VPS13B: variants seen among roughly 807,000 people sequenced by gnomAD.
The protein encoded by VPS13B is vacuolar protein sorting 13 homolog B.
Under a neutral mutation model 426.4 loss-of-function variants are expected in VPS13B, and 285 were observed. That is an observed-to-expected ratio of 0.67 (90% CI 0.61 to 0.74). The LOEUF (loss-of-function observed/expected upper bound fraction) is 0.74, where lower values mean the gene tolerates loss of function less well. VPS13B is among the 30% of genes least tolerant of loss of function. VPS13B has a pLI of 0.00. For missense variants in VPS13B, 4,537 were observed against 4,782.6 expected (o/e 0.95, Z 1.51); for synonymous variants, 1,676 against 1,676.4 (o/e 1.00, Z 0.01).
intron 44 of VPS13B, among the ~76,000 whole-genome samples, chr8:99,810,757 C>T (rs575194128): frequency 1.6e-4 from 25 of 152,238 alleles, no homozygotes; most frequent in Admixed American, 1.6e-3. Context: ...TGTCAACTGA[C>T]AGTAAGTGTA....
chr8:99,748,976 G>A (rs1162327975), intron 39 of VPS13B, among the ~76,000 whole-genome samples: 1 of 151,942 alleles, frequency 6.6e-6, no homozygotes, highest in Non-Finnish European at 1.5e-5. Flanking sequence ...GTGGGTTGGG[G>A]AAATTGCTGA....
At chr8:99,283,036 G>C (rs1011866005) in intron 19 of VPS13B, among the ~76,000 whole-genome samples, 1 of 152,060 alleles carries the variant, frequency 6.6e-6, no homozygotes. Context: ...ACACTCTTTT[G>C]GTTCACCATT....
chr8:99,773,668 A>G (rs927223073), intron 40 of VPS13B, among the ~76,000 whole-genome samples: 7 of 152,234 alleles, frequency 4.6e-5, no homozygotes, highest in Non-Finnish European at 1.0e-4. Flanking sequence ...AGCTACTTGA[A>G]TAAATTACTG....
At position 99,817,821 on chromosome 8, in the gene VPS13B, A is replaced by G. The variant is rs1301774020; in HGVS notation, c.8361+18A>G. 6 of 1,614,014 alleles carry G rather than the reference A, an allele frequency of 3.7e-6. No homozygotes were observed. Among genetic ancestry groups the G allele is most frequent in the African/African-American group, 1.3e-5 (1 of 75,060 alleles). ...TCATTCAGGTTTGAAAAGACGTTCA[A>G]TCTAGAATAGAGCAGCTTTACCATT... On this transcript the variant is annotated intron_variant, in intron 45 of 61. Coordinates refer to ENST00000357162, the MANE Select transcript of VPS13B (RefSeq NM_152564.5).
At chr8:99,147,049 T>TTA (rs1345908852) in intron 13 of VPS13B, among the ~76,000 whole-genome samples, 1 of 152,210 alleles carries the variant, frequency 6.6e-6, no homozygotes, top group East Asian at 1.9e-4. Flanking sequence ...TGGGTCACCA[T>TTA]TATAGTGTGT....
intron 8 of VPS13B, among the ~76,000 whole-genome samples, chr8:99,129,858 T>TA (rs950537405): frequency 1.7e-4 from 25 of 151,062 alleles, no homozygotes; most frequent in South Asian, 2.1e-4. Flanking sequence ...CCCATCTTTA[T>TA]AAAAAAAAAT....
At chr8:99,163,126 T>C (rs1251382478) in intron 15 of VPS13B, among the ~76,000 whole-genome samples, 2 of 151,976 alleles carry the variant, frequency 1.3e-5, no homozygotes, top group Admixed American at 1.3e-4. Context: ...TTGAGCTAGA[T>C]ACAGAGTGCC....
At chr8:99,869,362 G>A (rs1443452640) in intron 59 of VPS13B, among the ~76,000 whole-genome samples, 1 of 152,170 alleles carries the variant, frequency 6.6e-6, no homozygotes, top group Non-Finnish European at 1.5e-5. Flanking sequence ...GGCCTGACAA[G>A]AGGCAGCCAG....
intron 8 of VPS13B, chr8:99,121,705 C>A (rs1368487967): frequency 4.5e-6 from 4 of 882,832 alleles, no homozygotes; most frequent in Non-Finnish European, 6.1e-6. Context: ...TTGAATCATT[C>A]AGTTGGTGTA....
rs552472413 is a variant in VPS13B at position 99,470,656 on chromosome 8, T to A, written c.3666+3022T>A. On this transcript the variant is annotated intron_variant, in intron 24 of 61. Transcript: ENST00000357162. ...GAACAGAGCTTCAATGATTGTAGAATAGAAAAGTCGAATATTGTGTACTAC... is the reference window on the plus strand; with the variant it reads ...GAACAGAGCTTCAATGATTGTAGAAAAGAAAAGTCGAATATTGTGTACTAC... Among the ~76,000 whole-genome samples the A allele has an allele frequency of 3.2e-4, 48 of 150,674 alleles. No homozygotes were observed. In the South Asian group the frequency reaches 9.2e-3, roughly 29 times the overall value.
chr8:99,502,706 T>C (rs1821308630), intron 26 of VPS13B, 130 bp from the exon 27 acceptor site: 2 of 763,232 alleles, frequency 2.6e-6, no homozygotes, highest in African/African-American at 1.7e-5. Flanking sequence ...CTTATTATTC[T>C]AGAAGCTTTT....
intron 19 of VPS13B, among the ~76,000 whole-genome samples, chr8:99,383,747 T>C (rs1813964855): frequency 6.6e-6 from 1 of 152,204 alleles, no homozygotes. Context: ...TTATTTCACT[T>C]AATATAATGT....
chr8:99,606,612 C>T (rs1170184714), intron 33 of VPS13B, among the ~76,000 whole-genome samples: 2 of 143,722 alleles, frequency 1.4e-5, no homozygotes, highest in African/African-American at 2.5e-5. Flanking sequence ...CTTTTGTTTT[C>T]TTTTTCTTTT....
At chr8:99,517,154 C>A (rs2133655657) in intron 29 of VPS13B, among the ~76,000 whole-genome samples, 1 of 152,264 alleles carries the variant, frequency 6.6e-6, no homozygotes, top group East Asian at 1.9e-4. Flanking sequence ...CTTGAGACTT[C>A]AGATGTTTTA....
intron 14 of VPS13B, among the ~76,000 whole-genome samples, chr8:99,153,490 C>T (rs1811185431): frequency 6.6e-6 from 1 of 151,520 alleles, no homozygotes; most frequent in Non-Finnish European, 1.5e-5. Context: ...TAGTGTTTGT[C>T]CTAGAATTTG....
intron 2 of VPS13B, among the ~76,000 whole-genome samples, chr8:99,014,178 C>T (rs1480218504): frequency 7.7e-6 from 1 of 130,542 alleles, no homozygotes; most frequent in Non-Finnish European, 1.5e-5. Flanking sequence ...AGTGCAGCTG[C>T]GTGATCTCGG....
At chr8:99,058,031 T>A (rs1193371523) in intron 3 of VPS13B, among the ~76,000 whole-genome samples, 1 of 152,208 alleles carries the variant, frequency 6.6e-6, no homozygotes, top group Non-Finnish European at 1.5e-5. Context: ...TGAAATTTTT[T>A]GTAATCTAGT....
chr8:99,632,663 G>C (rs1485192624), intron 33 of VPS13B, among the ~76,000 whole-genome samples: 1 of 151,964 alleles, frequency 6.6e-6, no homozygotes, highest in Non-Finnish European at 1.5e-5. Context: ...TAATGGAAAA[G>C]AAGAATTGGC....
intron 54 of VPS13B, among the ~76,000 whole-genome samples, chr8:99,841,993 C>T (rs1412374620): frequency 6.6e-6 from 1 of 152,154 alleles, no homozygotes; most frequent in African/African-American, 2.4e-5. Flanking sequence ...CCAATCAGGC[C>T]CCGTCTCACT....
Sources: allele counts gnomAD v4.1 joint callset (sites outside exome capture counted in the v4.1 genomes callset), GRCh38; gene constraint gnomAD v4.1.1; transcripts MANE v1.5; gene names NCBI Gene and HGNC (gene_info 2026-07-23, HGNC 2026-07-21).